The following DSG3 variants were observed in gnomAD, a reference collection of about 807,000 sequenced individuals.
DSG3 encodes the protein desmoglein 3.
DSG3 carries 63 observed loss-of-function variants against 85.9 expected under a neutral mutation model. The ratio of observed to expected loss-of-function variants is 0.73; its 90% CI spans 0.60 to 0.90. DSG3 has a LOEUF of 0.90. Among genes scored for constraint, DSG3 ranks in the 40% least tolerant of loss-of-function variants. DSG3 has a pLI of 0.00. For missense variants in DSG3, 1,220 were observed against 1,219.9 expected (o/e 1.00, Z 0.00); for synonymous variants, 447 against 441.9 (o/e 1.01, Z -0.14).
Position 31,460,899 on chromosome 18 carries a change from T to G in DSG3, c.751T>G (p.Cys251Gly). The G allele has an allele frequency of 6.2e-7, 1 of 1,605,852 alleles. No homozygotes were observed. The highest frequency in any genetic ancestry group is 8.5e-7 in the Non-Finnish European group (1 of 1,177,428). Residue 251 changes from cysteine to glycine, a missense_variant, in exon 7 of 16, where the codon TGT becomes GGT. Transcript: ENST00000257189. ...DKDGEGLSTQ[C>G]ECNIKVKDVN... Reference sequence around the variant, plus strand: ...AGATGGAGAAGGACTATCAACTCAATGTGAATGTAATATTAAAGTGAAAGA... The same window carrying G: ...AGATGGAGAAGGACTATCAACTCAAGGTGAATGTAATATTAAAGTGAAAGA...
In DSG3 at chr18:31,472,741, G is replaced by T. The variant is rs1426692225; in HGVS notation, c.2054G>T (p.Cys685Phe). ...HPEDKEITNI[C>F]VPPVTANGAD... ...GGTTTGCAGGAAATCACAAATATTT[G>T]TGTGCCTCCTGTAACAGCCAATGGA... The change falls in exon 14 of 16, where the codon TGT becomes TTT. Residue 685 changes from cysteine (C) to phenylalanine (F), a missense_variant. By Grantham distance (205) the Cys-to-Phe change is radical. Coordinates refer to ENST00000257189, the MANE Select transcript of DSG3 (RefSeq NM_001944.3). 6.2e-7 allele frequency: 1 copy of T among 1,613,960 alleles called. No homozygotes were observed.
rs2072868115 is a variant in DSG3 at position 31,473,523 on chromosome 18, T to A, written c.2102-598T>A. On this transcript the variant is annotated intron_variant, in intron 14 of 15. Transcript: ENST00000257189. ...AAAATCCGCATGAGATTTCCCCAAA[T>A]ATGTAACTGTCTTCCTTTATCAGAT... Among the ~76,000 whole-genome samples, 4 of 152,348 alleles carry A rather than the reference T, an allele frequency of 2.6e-5. No homozygotes were observed. In the South Asian group the frequency reaches 8.3e-4, roughly 32 times the overall value.
rs10084010 is a variant in DSG3, at chr18:31,447,782, C to T, written c.-96C>T. 0.19 allele frequency: 183,976 copies of T among 992,842 alleles called. 18,144 individuals carry two copies. Among genetic ancestry groups the T allele is most frequent in the South Asian group, 0.34 (19,101 of 56,970 alleles). 61.5% of individuals were successfully genotyped at this position (992,842 alleles called of 1,614,324 possible). A position where few individuals can be genotyped will look rare whatever the true frequency, so the allele number is the denominator to read the frequency against. ...AGACTCCTTCGGAAAGCAGCAGAGA[C>T]GCTGCAGAGGGCTTTTCTTAGACAT... On this transcript the variant is annotated 5_prime_UTR_variant, in exon 1 of 16. It adds an upstream start codon to the 5' untranslated region. Coordinates refer to ENST00000257189, the MANE Select transcript of DSG3 (RefSeq NM_001944.3).
chr18:31,473,775 A>G lies in DSG3; in HGVS notation c.2102-346A>G, dbSNP rs147805163. Among the ~76,000 whole-genome samples, 317 of 152,324 alleles carry G rather than the reference A, an allele frequency of 2.1e-3. 3 individuals carry two copies. Among genetic ancestry groups the G allele is most frequent in the South Asian group, 4.1e-3 (20 of 4,830 alleles). On this transcript the variant is annotated intron_variant, in intron 14 of 15. Coordinates refer to ENST00000257189, the MANE Select transcript of DSG3 (RefSeq NM_001944.3). ...ACTGAGCTCATAGGACTGCTTAACTATAATGTTTTTTCGTGAAAACAAACA... is the reference window on the plus strand; with the variant it reads ...ACTGAGCTCATAGGACTGCTTAACTGTAATGTTTTTTCGTGAAAACAAACA...
chr18:31,471,241 C>T (rs1337407311), intron 12 of DSG3, among the ~76,000 whole-genome samples: 5 of 151,824 alleles, frequency 3.3e-5, no homozygotes, highest in African/African-American at 1.2e-4. Context: ...TGTGTGTGTC[C>T]CCCCAAAAAA....
intron 2 of DSG3, among the ~76,000 whole-genome samples, 172 bp downstream of exon 2, chr18:31,456,647 A>G (rs1388142112): frequency 6.6e-6 from 1 of 152,178 alleles, no homozygotes; most frequent in Non-Finnish European, 1.5e-5. Flanking sequence ...AAAACTAGTC[A>G]TCCATAAATG....
At chr18:31,470,729 C>G (rs151022052) in intron 12 of DSG3, among the ~76,000 whole-genome samples, 1 of 152,002 alleles carries the variant, frequency 6.6e-6, no homozygotes, top group Non-Finnish European at 1.5e-5. Context: ...TTCAATTGAG[C>G]CTTGAAGAAT....
chr18:31,472,769 C>G lies in DSG3; in HGVS notation c.2082C>G (p.Ala694=). The change falls in exon 14 of 16, where the codon GCC becomes GCG. Residue 694 remains alanine (A), a synonymous_variant. Transcript: ENST00000257189. ...TGCCTCCTGTAACAGCCAATGGAGCCGATTTCATGGAAAGTTCTGGTAAGT... is the reference window on the plus strand; with the variant it reads ...TGCCTCCTGTAACAGCCAATGGAGCGGATTTCATGGAAAGTTCTGGTAAGT... ...ICVPPVTANG[A]DFMESSEVCT... 1 of 1,613,890 alleles carries G rather than the reference C, an allele frequency of 6.2e-7. No individual in the cohort carries two copies. Among genetic ancestry groups the G allele is most frequent in the Non-Finnish European group, 8.5e-7 (1 of 1,179,906 alleles).
At chr18:31,458,242 C>T (rs1338262568) in intron 3 of DSG3, among the ~76,000 whole-genome samples, 1 of 152,136 alleles carries the variant, frequency 6.6e-6, no homozygotes, top group Non-Finnish European at 1.5e-5. Flanking sequence ...GATTAGTGCA[C>T]ATCATTGGTT....
At chr18:31,455,637 T>TG (rs1156381223) in intron 1 of DSG3, among the ~76,000 whole-genome samples, 1 of 152,106 alleles carries the variant, frequency 6.6e-6, no homozygotes, top group African/African-American at 2.4e-5. Context: ...AATATTTAAG[T>TG]GGGTGGAGTA....
chr18:31,468,870 T>C (rs1463612880), intron 11 of DSG3, among the ~76,000 whole-genome samples: 1 of 152,132 alleles, frequency 6.6e-6, no homozygotes, highest in African/African-American at 2.4e-5. Context: ...GCTCTCATGC[T>C]CTCTTGTCCT....
At position 31,461,299 on chromosome 18, in the gene DSG3, G is replaced by T; in HGVS notation, c.886G>T (p.Glu296Ter). ...ATTTCAAGTAACAGATTTGGATGAAGAGTACACAGATAATTGGCTTGCAGT... is the reference window on the plus strand; with the variant it reads ...ATTTCAAGTAACAGATTTGGATGAATAGTACACAGATAATTGGCTTGCAGT... Reference protein sequence around the residue: ...LRFQVTDLDEEYTDNWLAVYF... With the variant: ...LRFQVTDLDE The change falls in exon 8 of 16, where the codon GAG becomes TAG. Residue 296 changes from glutamate (E) to a stop codon, truncating the protein, a stop_gained. Coordinates refer to ENST00000257189, the MANE Select transcript of DSG3 (RefSeq NM_001944.3). LOFTEE classifies it high-confidence loss of function. 1.2e-6 allele frequency: 2 copies of T among 1,613,558 alleles called. No homozygotes were observed. The highest frequency in any genetic ancestry group is 1.7e-6 in the Non-Finnish European group (2 of 1,179,676).
At chr18:31,467,432 G>C (rs991106552) in intron 11 of DSG3, among the ~76,000 whole-genome samples, 1 of 152,176 alleles carries the variant, frequency 6.6e-6, no homozygotes, top group Admixed American at 6.5e-5. Flanking sequence ...AGCAGTCTAT[G>C]AGCAGACATG....
At chr18:31,466,416 T>C in intron 10 of DSG3, 114 bp from the exon 11 acceptor site, 1 of 869,846 alleles carries the variant, frequency 1.1e-6, no homozygotes, top group Non-Finnish European at 1.8e-6. Flanking sequence ...TAATATAGTA[T>C]TTCATGAGAA....
intron 11 of DSG3, 24 bp downstream of exon 11, chr18:31,466,778 T>C (rs777588308): frequency 3.8e-6 from 6 of 1,590,354 alleles, no homozygotes; most frequent in Non-Finnish European, 5.2e-6. Context: ...AAGTTGCTTC[T>C]ATAAATGCAA....
rs1162194578 is a variant in DSG3 at position 31,474,135 on chromosome 18, AC to A, written c.2117del (p.Thr706SerfsTer16). On this transcript the variant is annotated frameshift_variant, in exon 15 of 16. Coordinates refer to ENST00000257189, the MANE Select transcript of DSG3 (RefSeq NM_001944.3). LOFTEE classifies it high-confidence loss of function. ...CTTGTTTTTAGAAGTTTGTACAAAT[AC>A]GTATGCCAGAGGCACAGCGGTGGAA... ...FMESSEVCTN[T>X]YARGTAVEGT... is the part of the protein sequence containing the mutation. 6.2e-7 allele frequency: 1 copy of A among 1,612,958 alleles called. No individual in the cohort carries two copies. Among genetic ancestry groups the A allele is most frequent in the Non-Finnish European group, 8.5e-7 (1 of 1,178,960 alleles).
At chr18:31,456,371 T>G in intron 1 of DSG3, 69 bp from the exon 2 acceptor site, 1 of 944,236 alleles carries the variant, frequency 1.1e-6, no homozygotes. Flanking sequence ...ATAATCAGGA[T>G]TATTCATTGT....
chr18:31,456,197 C>T (rs2072740796), intron 1 of DSG3, among the ~76,000 whole-genome samples: 1 of 152,170 alleles, frequency 6.6e-6, no homozygotes, highest in Admixed American at 6.5e-5. Flanking sequence ...ATAGGTTCTT[C>T]TTTATGTCAT....
chr18:31,476,129 CA>C lies in DSG3; in HGVS notation c.2873del (p.Asn958MetfsTer2). The C allele has an allele frequency of 6.2e-7, 1 of 1,614,202 alleles. No individual in the cohort carries two copies. The highest frequency in any genetic ancestry group is 8.5e-7 in the Non-Finnish European group (1 of 1,180,030). On this transcript the variant is annotated frameshift_variant, in exon 16 of 16. Transcript: ENST00000257189. LOFTEE classifies it low-confidence loss of function (END_TRUNC). ...TGCAGGCTTTGATCCACTTCTCACA[CA>C]AAATGTGATAGTGACAGAAAGGGTG... Reference protein sequence around the residue: ...STAGFDPLLTQNVIVTERVIC... With the variant: ...STAGFDPLLTXNVIVTERVIC...
Sources: allele counts gnomAD v4.1 joint callset (sites outside exome capture counted in the v4.1 genomes callset), GRCh38; gene constraint gnomAD v4.1.1; transcripts MANE v1.5; gene names NCBI Gene and HGNC (gene_info 2026-07-23, HGNC 2026-07-21).